ASTN2: variants seen among roughly 807,000 people sequenced by gnomAD.
ASTN2 encodes the protein astrotactin-2.
A neutral mutation model predicts 139.8 loss-of-function variants in ASTN2; 54 were observed. That is an observed-to-expected ratio of 0.39 (90% CI 0.31 to 0.48). The LOEUF (loss-of-function observed/expected upper bound fraction) is 0.48, where lower values mean the gene tolerates loss of function less well. Among genes scored for constraint, ASTN2 ranks in the 20% least tolerant of loss-of-function variants. The pLI, the probability that ASTN2 is intolerant of heterozygous loss-of-function variation, is 0.95. For missense variants in ASTN2, 1,565 were observed against 1,725.1 expected, an observed-to-expected ratio of 0.91 and a Z score of 1.64; for synonymous variants, 756 against 719.5, an observed-to-expected ratio of 1.05 and a Z score of -0.81.
chr9:117,335,198 T>G (rs1280486610), intron 1 of ASTN2, among the ~76,000 whole-genome samples: 1 of 152,238 alleles, frequency 6.6e-6, no homozygotes, highest in Non-Finnish European at 1.5e-5. Flanking sequence ...TACATGTTTA[T>G]TGTCAGTTTT....
At chr9:116,777,221 A>AC (rs1473612352) in intron 13 of ASTN2, among the ~76,000 whole-genome samples, 1 of 152,168 alleles carries the variant, frequency 6.6e-6, no homozygotes, top group East Asian at 1.9e-4. Context: ...CAGAAGGGCT[A>AC]CTGAGACCCA....
chr9:116,932,671 C>G (rs1427400096), intron 10 of ASTN2, among the ~76,000 whole-genome samples: 1 of 152,044 alleles, frequency 6.6e-6, no homozygotes, highest in Non-Finnish European at 1.5e-5. Flanking sequence ...ATGGAGCACT[C>G]CATGCAGGAG....
intron 13 of ASTN2, among the ~76,000 whole-genome samples, chr9:116,799,307 G>A (rs568502740): frequency 3.6e-4 from 55 of 152,206 alleles, no homozygotes; most frequent in African/African-American, 1.3e-3. Flanking sequence ...CTTGCCAAGC[G>A]TGGGTTGTGG....
At chr9:117,342,734 G>A (rs77564127) in intron 1 of ASTN2, among the ~76,000 whole-genome samples, 2 of 152,098 alleles carry the variant, frequency 1.3e-5, no homozygotes, top group Non-Finnish European at 2.9e-5. Flanking sequence ...CTTCCAACAC[G>A]GTTTTATATA....
At chr9:117,020,086 CA>C (rs1564387915) in intron 6 of ASTN2, among the ~76,000 whole-genome samples, 1 of 146,648 alleles carries the variant, frequency 6.8e-6, no homozygotes, top group Non-Finnish European at 1.5e-5. Context: ...GGAAATACAT[CA>C]AAAGGGTAAT....
intron 9 of ASTN2, 128 bp from the exon 10 acceptor site, chr9:116,975,473 A>C: frequency 1.0e-6 from 1 of 970,620 alleles, no homozygotes; most frequent in Non-Finnish European, 1.4e-6. Flanking sequence ...AGCATTATTT[A>C]AGGAACAATG....
chr9:116,774,136 T>C (rs1830021156), intron 13 of ASTN2, among the ~76,000 whole-genome samples: 1 of 152,194 alleles, frequency 6.6e-6, no homozygotes, highest in Non-Finnish European at 1.5e-5. Context: ...TCAGTATTCA[T>C]CTGTATCTCT....
intron 1 of ASTN2, among the ~76,000 whole-genome samples, chr9:117,339,925 T>A (rs1049657914): frequency 1.2e-4 from 17 of 147,706 alleles, no homozygotes; most frequent in South Asian, 2.2e-4. Context: ...AAAAAAAAAA[T>A]TTAAAGAGGC....
At chr9:117,221,902 A>T (rs1564488051) in intron 2 of ASTN2, among the ~76,000 whole-genome samples, 2 of 152,238 alleles carry the variant, frequency 1.3e-5, no homozygotes, top group Non-Finnish European at 2.9e-5. Context: ...GACTTGACCA[A>T]CATCACAAAC....
intron 4 of ASTN2, among the ~76,000 whole-genome samples, chr9:117,111,386 C>A (rs764789931): frequency 4.6e-5 from 7 of 151,776 alleles, no homozygotes; most frequent in Non-Finnish European, 1.0e-4. Flanking sequence ...AAAACTATAT[C>A]TACAAATATA....
chr9:116,639,525 T>C (rs1168257409), intron 17 of ASTN2, among the ~76,000 whole-genome samples: 2 of 152,196 alleles, frequency 1.3e-5, no homozygotes, highest in Non-Finnish European at 2.9e-5. Flanking sequence ...ACCACCACTG[T>C]TGACTGAAGT....
chr9:117,124,240 A>G (rs776950533), intron 4 of ASTN2, among the ~76,000 whole-genome samples: 1 of 152,136 alleles, frequency 6.6e-6, no homozygotes, highest in Non-Finnish European at 1.5e-5. Flanking sequence ...ATGGTAAAAA[A>G]GTTGCTTTCC....
chr9:117,159,592 T>A (rs746756064), intron 3 of ASTN2, among the ~76,000 whole-genome samples: 5 of 152,070 alleles, frequency 3.3e-5, no homozygotes, highest in Non-Finnish European at 7.4e-5. Context: ...TATTGAGTTG[T>A]GTGCCACCAT....
chr9:117,383,642 G>A (rs1830325224), intron 1 of ASTN2, among the ~76,000 whole-genome samples: 1 of 152,132 alleles, frequency 6.6e-6, no homozygotes, highest in African/African-American at 2.4e-5. Flanking sequence ...AAGGCGAGTA[G>A]AGGTAAAATT....
At position 117,265,524 on chromosome 9, in the gene ASTN2, T is replaced by C. The variant is rs139382396; in HGVS notation, c.630+25802A>G. On this transcript the variant is annotated intron_variant, in intron 2 of 22. Coordinates refer to ENST00000313400, the MANE Select transcript of ASTN2 (RefSeq NM_001365068.1). ...CAACTGAAAGTCAAGCCAGCATTCATGGAGAGGGTCAGTGTTGAGGGCATG... is the reference window on the plus strand; with the variant it reads ...CAACTGAAAGTCAAGCCAGCATTCACGGAGAGGGTCAGTGTTGAGGGCATG... Among the ~76,000 whole-genome samples, 1,504 of 152,288 alleles carry C rather than the reference T, an allele frequency of 9.9e-3. 9 individuals carry two copies. Among genetic ancestry groups the C allele is most frequent in the Non-Finnish European group, 0.011 (782 of 68,028 alleles).
intron 13 of ASTN2, among the ~76,000 whole-genome samples, chr9:116,749,796 T>G (rs1749245461): frequency 6.6e-6 from 1 of 152,148 alleles, no homozygotes; most frequent in Admixed American, 6.5e-5. Flanking sequence ...TTCAGTTAGT[T>G]CACACAAAAC....
intron 17 of ASTN2, among the ~76,000 whole-genome samples, chr9:116,630,955 T>G (rs913021601): frequency 7.2e-5 from 11 of 151,918 alleles, no homozygotes; most frequent in African/African-American, 2.7e-4. Context: ...ATGAAAAAAA[T>G]GCTTAACATC....
intron 10 of ASTN2, among the ~76,000 whole-genome samples, chr9:116,970,118 T>C (rs1036394741): frequency 2.6e-5 from 4 of 152,194 alleles, no homozygotes; most frequent in Non-Finnish European, 1.5e-5. Context: ...ACTGTGCTTC[T>C]TTCTTATAAG....
chr9:116,917,943 C>G (rs914648644), intron 10 of ASTN2, among the ~76,000 whole-genome samples: 8 of 152,042 alleles, frequency 5.3e-5, no homozygotes, highest in African/African-American at 1.9e-4. Context: ...GTGGGAGGGA[C>G]CCAGGGGGAG....
Sources: gnomAD v4.1 joint callset for allele counts (sites outside exome capture counted in the v4.1 genomes callset) on GRCh38, gnomAD v4.1.1 for gene constraint, MANE v1.5 for transcripts, NCBI Gene and HGNC (gene_info 2026-07-23, HGNC 2026-07-21) for gene names.